Variants in RUNX1T1 observed in about 807,000 individuals in gnomAD.
RUNX1T1 encodes the protein protein CBFA2T1.
Under a neutral mutation model 62.8 loss-of-function variants are expected in RUNX1T1, and 4 were observed. The ratio of observed to expected loss-of-function variants is 0.06; its 90% CI spans 0.03 to 0.15. The LOEUF (loss-of-function observed/expected upper bound fraction) is 0.15, where lower values mean the gene tolerates loss of function less well. Among genes scored for constraint, RUNX1T1 ranks in the 10% least tolerant of loss-of-function variants. The pLI is 1.00. For missense variants in RUNX1T1, 508 were observed against 754.3 expected (o/e 0.67, Z 3.82); for synonymous variants, 291 against 286.0 (o/e 1.02, Z -0.18).
intron 1 of RUNX1T1, among the ~76,000 whole-genome samples, chr8:92,086,183 A>T (rs1587560879): frequency 1.3e-5 from 2 of 152,350 alleles, no homozygotes; most frequent in East Asian, 3.9e-4. Context: ...GCTGGTTTAC[A>T]AGCACTGCTT....
chr8:91,970,944 T>G, intron 9 of RUNX1T1, 96 bp from the exon 11 acceptor site: 3 of 1,098,760 alleles, frequency 2.7e-6, no homozygotes, highest in Non-Finnish European at 3.7e-6. Flanking sequence ...TTTTTTTTCT[T>G]TCCGAGGCTG....
chr8:92,064,374 G>A (rs1222510890), upstream of RUNX1T1, among the ~76,000 whole-genome samples: 5 of 152,124 alleles, frequency 3.3e-5, no homozygotes, highest in African/African-American at 1.2e-4. Context: ...CCCTATTTAT[G>A]AGGCCAATCT....
At chr8:92,062,269 C>T (rs1277574300) in intron 1 of RUNX1T1, among the ~76,000 whole-genome samples, 1 of 152,172 alleles carries the variant, frequency 6.6e-6, no homozygotes, top group African/African-American at 2.4e-5. Flanking sequence ...AAGTAAATTA[C>T]TCCGACAAAC....
At chr8:92,063,112 AGGT>A, upstream of RUNX1T1, 1 of 310,120 alleles carries the variant, frequency 3.2e-6, no homozygotes, top group Non-Finnish European at 5.1e-6. Flanking sequence ...AAAAAAAAAA[AGGT>A]ACAGAACTCA....
chr8:92,102,827 C>A, upstream of RUNX1T1: 1 of 1,498,284 alleles, frequency 6.7e-7, no homozygotes, highest in Non-Finnish European at 8.8e-7. The surrounding 1 kb of genome is among the most constrained non-coding windows in gnomAD (Gnocchi z 4.5). Context: ...GCCGCCCGCC[C>A]GCCGGCCAAG....
intron 1 of RUNX1T1, among the ~76,000 whole-genome samples, chr8:92,022,660 G>T (rs1824344403): frequency 6.6e-6 from 1 of 152,134 alleles, no homozygotes; most frequent in African/African-American, 2.4e-5. Context: ...CAACCTGTCA[G>T]TACCTTGATT....
chr8:92,058,917 A>G (rs953397306), intron 1 of RUNX1T1, among the ~76,000 whole-genome samples: 2 of 152,194 alleles, frequency 1.3e-5, no homozygotes, highest in African/African-American at 2.4e-5. Context: ...ACCCCCTTCA[A>G]GAAAAAGATT....
At chr8:92,032,279 A>T (rs904326617) in intron 1 of RUNX1T1, among the ~76,000 whole-genome samples, 1 of 152,070 alleles carries the variant, frequency 6.6e-6, no homozygotes, top group African/African-American at 2.4e-5. Flanking sequence ...TGAGAAAAAG[A>T]CAAAGTAATT....
intron 1 of RUNX1T1, chr8:92,095,372 C>T: frequency 6.5e-7 from 1 of 1,535,368 alleles, no homozygotes; most frequent in Middle Eastern, 1.7e-4. Context: ...CGCGGGAGAG[C>T]GGCCGCGGCC....
intron 5 of RUNX1T1, among the ~76,000 whole-genome samples, chr8:92,002,571 C>T (rs1819975564): frequency 6.6e-6 from 1 of 152,136 alleles, no homozygotes; most frequent in African/African-American, 2.4e-5. Context: ...ATATAGAGCG[C>T]TCTTTTGTTC....
intron 6 of RUNX1T1, among the ~76,000 whole-genome samples, chr8:91,990,312 T>C (rs1247139174): frequency 6.6e-6 from 1 of 152,216 alleles, no homozygotes; most frequent in Non-Finnish European, 1.5e-5. Flanking sequence ...CCTTGCTCTT[T>C]CCAGTGTCCA....
At chr8:92,102,717 A>C, upstream of RUNX1T1, 1 of 841,604 alleles carries the variant, frequency 1.2e-6, no homozygotes, top group Non-Finnish European at 1.7e-6. The surrounding 1 kb of genome is among the most constrained non-coding windows in gnomAD (Gnocchi z 4.5). Flanking sequence ...TCCTACCCTA[A>C]TTGAGCGACA....
At chr8:91,986,314 G>A (rs1353090064) in exon 8 of RUNX1T1, 1 of 1,612,314 alleles carries the variant, frequency 6.2e-7, no homozygotes, top group African/African-American at 1.3e-5. Flanking sequence ...TGTCCATTAT[G>A]CAGTTTAACA....
intron 5 of RUNX1T1, among the ~76,000 whole-genome samples, chr8:91,996,959 T>C (rs1280154783): frequency 7.4e-6 from 1 of 135,454 alleles, no homozygotes; most frequent in Non-Finnish European, 1.6e-5. Context: ...CCGTCTCTAC[T>C]AAGAAAAAAA....
intron 1 of RUNX1T1, among the ~76,000 whole-genome samples, chr8:92,035,252 G>A (rs1314968334): frequency 2.1e-5 from 3 of 146,190 alleles, no homozygotes; most frequent in African/African-American, 5.1e-5. Flanking sequence ...CCAATATCGC[G>A]CCATTGCCCT....
Position 91,986,981 on chromosome 8 carries a change from A to G in RUNX1T1, c.911-9T>C. 1 of 1,587,394 alleles carries G rather than the reference A, an allele frequency of 6.3e-7. No homozygotes were observed. Among genetic ancestry groups the G allele is most frequent in the Non-Finnish European group, 8.6e-7 (1 of 1,156,196 alleles). ...ACGTGTGCCATGCAACCCTACAAAAATAGAGAAGGCTGAATAACCCTAAAG... is the reference window on the plus strand; with the variant it reads ...ACGTGTGCCATGCAACCCTACAAAAGTAGAGAAGGCTGAATAACCCTAAAG... On this transcript the variant is annotated splice_polypyrimidine_tract_variant and intron_variant, in intron 6 of 10. Transcript: ENST00000396218.
At chr8:92,026,261 T>C (rs1224493393) in intron 1 of RUNX1T1, among the ~76,000 whole-genome samples, 1 of 152,236 alleles carries the variant, frequency 6.6e-6, no homozygotes, top group Non-Finnish European at 1.5e-5. Context: ...ACAATCAGGC[T>C]TAGGCATTGT....
chr8:91,988,274 T>G (rs1468594419), intron 6 of RUNX1T1, among the ~76,000 whole-genome samples: 1 of 152,082 alleles, frequency 6.6e-6, no homozygotes, highest in African/African-American at 2.4e-5. Flanking sequence ...AAGCTAAATA[T>G]AAGATGCTTT....
chr8:91,993,125 T>C (rs1304172911), intron 5 of RUNX1T1, among the ~76,000 whole-genome samples: 2 of 152,206 alleles, frequency 1.3e-5, no homozygotes, highest in Non-Finnish European at 2.9e-5. Context: ...TGCAGACATC[T>C]ACATGCCTTC....
Sources: allele counts gnomAD v4.1 joint callset (sites outside exome capture counted in the v4.1 genomes callset), GRCh38; gene constraint gnomAD v4.1.1; non-coding constraint Gnocchi (gnomAD v3.1); transcripts MANE v1.5; gene names NCBI Gene and HGNC (gene_info 2026-07-23, HGNC 2026-07-21).